The following AARS1 variants were observed in gnomAD, a reference collection of about 807,000 sequenced individuals.
The protein encoded by AARS1 is alanine--tRNA ligase, cytoplasmic.
In AARS1, 72 loss-of-function variants were observed where a neutral mutation model predicts 108.9. The observed-to-expected ratio is 0.66, with a 90% confidence interval of 0.55 to 0.80. The LOEUF (loss-of-function observed/expected upper bound fraction) is 0.80. Ranked by LOEUF, AARS1 falls within the 30% of genes least tolerant of loss-of-function variation. The pLI, the probability that AARS1 is intolerant of heterozygous loss-of-function variation, is 0.00. For missense variants in AARS1, 1,193 were observed against 1,233.2 expected (o/e 0.97, Z 0.49); for synonymous variants, 489 against 465.7 (o/e 1.05, Z -0.64).
chr16:70,256,719 T>A (rs1272064344), intron 15 of AARS1, among the ~76,000 whole-genome samples: 1 of 152,106 alleles, frequency 6.6e-6, no homozygotes, highest in African/African-American at 2.4e-5. Context: ...AGCCTTGAAC[T>A]CAATCCCCCA....
chr16:70,254,404 G>C, intron 17 of AARS1: 1 of 604,482 alleles, frequency 1.7e-6, no homozygotes, highest in Non-Finnish European at 3.0e-6. Flanking sequence ...CTTGGGAAGA[G>C]CTCTCCTGCT....
intron 11 of AARS1, among the ~76,000 whole-genome samples, chr16:70,263,343 G>A (rs752904978): frequency 3.9e-5 from 6 of 152,152 alleles, no homozygotes; most frequent in African/African-American, 1.4e-4. Context: ...AGGCTGAGAC[G>A]GGTGGATAAC....
chr16:70,276,036 A>T (rs1211505125), intron 4 of AARS1: 1 of 151,424 alleles, frequency 6.6e-6, no homozygotes, highest in Non-Finnish European at 1.5e-5. Context: ...ACATGATGAA[A>T]CCCCGTCTCT....
rs1003738156 is a variant in AARS1 at position 70,269,357 on chromosome 16, A to C, written c.962+261T>G. 9.9e-5 allele frequency among the ~76,000 whole-genome samples: 13 copies of C among 130,750 alleles called. No individual in the cohort carries two copies. In the South Asian group the frequency reaches 3.0e-3, roughly 30 times the overall value. The allele number at this position is 130,750 out of a possible 152,430, so 85.8% of individuals were successfully genotyped here. On this transcript the variant is annotated intron_variant, in intron 7 of 20. Coordinates refer to ENST00000261772, the MANE Select transcript of AARS1 (RefSeq NM_001605.3). ...AAAAAAAAAAAAAAAAAAAAAAAAA[A>C]AAACAACCGTCTCTACTAAAAGTAC...
chr16:70,270,679 A>T (rs528500685), intron 5 of AARS1, among the ~76,000 whole-genome samples: 3 of 151,718 alleles, frequency 2.0e-5, no homozygotes, highest in African/African-American at 7.3e-5. Flanking sequence ...CTCTACTAAA[A>T]ATACAAAATT....
intron 6 of AARS1, 130 bp from the exon 7 acceptor site, chr16:70,269,893 C>T: frequency 1.6e-6 from 2 of 1,263,900 alleles, no homozygotes; most frequent in Non-Finnish European, 2.3e-6. Flanking sequence ...CCTATAACCC[C>T]AAGAACGTGA....
intron 13 of AARS1, among the ~76,000 whole-genome samples, chr16:70,260,316 A>G (rs1266342781): frequency 2.0e-5 from 3 of 152,204 alleles, no homozygotes; most frequent in African/African-American, 7.2e-5. Flanking sequence ...GTGGAGTGAC[A>G]GGTGAGGAGA....
intron 1 of AARS1, among the ~76,000 whole-genome samples, chr16:70,284,585 G>C (rs1042398300): frequency 6.6e-6 from 1 of 152,206 alleles, no homozygotes. Flanking sequence ...CTGGGCGACA[G>C]AGACCTTGTG....
chr16:70,273,085 G>A (rs1465170581), intron 4 of AARS1, among the ~76,000 whole-genome samples: 1 of 152,040 alleles, frequency 6.6e-6, no homozygotes, highest in Non-Finnish European at 1.5e-5. Flanking sequence ...TTAGACTACA[G>A]AGTCAACCGA....
At chr16:70,284,162 C>T (rs1329713465) in intron 1 of AARS1, among the ~76,000 whole-genome samples, 3 of 151,668 alleles carry the variant, frequency 2.0e-5, no homozygotes, top group East Asian at 1.9e-4. Context: ...AAAAATTAGC[C>T]GGGCGTGGTG....
chr16:70,252,584 A>T lies in AARS1; in HGVS notation c.*137T>A. The T allele has an allele frequency of 5.3e-6, 5 of 952,226 alleles. No homozygotes were observed. 59.0% of individuals were successfully genotyped at this position (952,226 alleles called of 1,614,324 possible). On this transcript the variant is annotated 3_prime_UTR_variant, in exon 21 of 21. Coordinates refer to ENST00000261772, the MANE Select transcript of AARS1 (RefSeq NM_001605.3). ...AATTTAAGGGGCACTGAGACATAGG[A>T]CTGCTCCCAAGTGTGTTCCAGTTAC...
chr16:70,254,659 T>C lies in AARS1; in HGVS notation c.2362A>G (p.Asn788Asp). 6.2e-7 allele frequency: 1 copy of C among 1,614,054 alleles called. No homozygotes were observed. Among genetic ancestry groups the C allele is most frequent in the Non-Finnish European group, 8.5e-7 (1 of 1,179,954 alleles). ...GCGATCTCCCTCTGCACATCCTTGT[T>C]TGGAGCAGTCTGAGCCTTCACTTTG... ...EAKVKAQTAP[N>D]KDVQREIADL... Residue 788 changes from asparagine to aspartate, a missense_variant, in exon 17 of 21, where the codon AAC becomes GAC. By Grantham distance (23) the Asn-to-Asp change is conservative. Transcript: ENST00000261772.
At chr16:70,268,475 C>G in intron 7 of AARS1, 96 bp from the exon 8 acceptor site, 1 of 1,008,992 alleles carries the variant, frequency 9.9e-7, no homozygotes, top group Non-Finnish European at 1.5e-6. Context: ...CTTTCAGGAA[C>G]TTTCTTTTAT....
chr16:70,276,682 A>C, intron 3 of AARS1, 51 bp from the exon 4 acceptor site: 1 of 1,591,854 alleles, frequency 6.3e-7, no homozygotes, highest in Non-Finnish European at 8.6e-7. Flanking sequence ...ACCAAAATCT[A>C]TTTAGTATGA....
At chr16:70,268,228 GGACT>G (rs1567606913) in intron 8 of AARS1, 39 bp downstream of exon 8, 1 of 1,561,808 alleles carries the variant, frequency 6.4e-7, no homozygotes, top group Admixed American at 1.7e-5. Context: ...CCCTCTTAAC[GGACT>G]GCTTTAGCAC....
intron 12 of AARS1, among the ~76,000 whole-genome samples, chr16:70,261,795 GA>G (rs1960139555): frequency 6.7e-6 from 1 of 150,314 alleles, no homozygotes; most frequent in Non-Finnish European, 1.5e-5. Flanking sequence ...TCAGCTTCCC[GA>G]GCAGGTGGGA....
At chr16:70,253,464 G>A in intron 19 of AARS1, 83 bp from the exon 20 acceptor site, 13 of 1,220,112 alleles carry the variant, frequency 1.1e-5, no homozygotes, top group Non-Finnish European at 1.4e-5. Flanking sequence ...CAGAAGGCCT[G>A]CCACCCACCC....
At position 70,265,646 on chromosome 16, in the gene AARS1, G is replaced by A; in HGVS notation, c.1239C>T (p.Leu413=). The A allele has an allele frequency of 6.2e-7, 1 of 1,613,798 alleles. No individual in the cohort carries two copies. Among genetic ancestry groups the A allele is most frequent in the Non-Finnish European group, 8.5e-7 (1 of 1,179,860 alleles). ...CTGGAAACCCATAGGTGTCATAGAG[G>A]AGCCAAGCAGTGTCTCCTACACAGC... ...SKTIPGDTAW[L]LYDTYGFPVD... Residue 413 remains leucine (L), a synonymous_variant, in exon 10 of 21, where the codon CTC becomes CTT. Transcript: ENST00000261772.
At position 70,254,043 on chromosome 16, in the gene AARS1, A is replaced by C; in HGVS notation, c.2401-5T>G. 1.2e-6 allele frequency: 2 copies of C among 1,613,932 alleles called. No homozygotes were observed. The highest frequency in any genetic ancestry group is 2.2e-5 in the East Asian group (1 of 44,872). ...GATGACTGCAGTGGCCAGGGCCTGG[A>C]ACCAATAGACGACCATCTCAATCTG... On this transcript the variant is annotated splice_polypyrimidine_tract_variant and splice_region_variant and intron_variant, in intron 17 of 20. Transcript: ENST00000261772.
Sources: allele counts gnomAD v4.1 joint callset (sites outside exome capture counted in the v4.1 genomes callset), GRCh38; gene constraint gnomAD v4.1.1; transcripts MANE v1.5; gene names NCBI Gene and HGNC (gene_info 2026-07-23, HGNC 2026-07-21).